The following SLC24A2 variants were observed in gnomAD, a reference collection of about 807,000 sequenced individuals.
SLC24A2 encodes the protein sodium/potassium/calcium exchanger 2.
SLC24A2 carries 36 observed loss-of-function variants against 62.0 expected under a neutral mutation model. The observed-to-expected ratio is 0.58, with a 90% CI of 0.44 to 0.77. The LOEUF (loss-of-function observed/expected upper bound fraction) is 0.77. SLC24A2 is among the 30% of genes least tolerant of loss of function. SLC24A2 has a pLI of 0.00. For synonymous variants in SLC24A2, 358 were observed against 294.0 expected, an observed-to-expected ratio of 1.22 and a Z score of -2.23; for missense variants, 846 against 817.9, an observed-to-expected ratio of 1.03 and a Z score of -0.42.
chr9:19,903,211 A>G, the SLC24A2 span, among the ~76,000 whole-genome samples: 1 of 152,164 alleles, frequency 6.6e-6, no homozygotes, highest in South Asian at 2.1e-4. Context: ...CCAGTTGTAA[A>G]GGCTGGAAGT....
the SLC24A2 span, among the ~76,000 whole-genome samples, chr9:20,070,222 TATG>T: frequency 0.014 from 2,127 of 152,236 alleles, 47 homozygotes; most frequent in African/African-American, 0.049. Flanking sequence ...CCTAACTTAC[TATG>T]ATTGTTACCC....
At chr9:20,068,940 C>A in the SLC24A2 span, among the ~76,000 whole-genome samples, 1 of 152,116 alleles carries the variant, frequency 6.6e-6, no homozygotes, top group Non-Finnish European at 1.5e-5. Context: ...ACTGATGCAT[C>A]AAACCTACAA....
the SLC24A2 span, among the ~76,000 whole-genome samples, chr9:20,206,770 C>T: frequency 3.9e-5 from 6 of 152,076 alleles, no homozygotes; most frequent in Non-Finnish European, 7.3e-5. Context: ...TGAGCCACTT[C>T]GCCTGGCCGC....
chr9:20,229,625 CG>C, the SLC24A2 span, among the ~76,000 whole-genome samples: 1,530 of 152,162 alleles, frequency 0.01, 26 homozygotes, highest in African/African-American at 0.034. Flanking sequence ...TTCCCAGTCT[CG>C]GGTCCCTTAT....
intron 7 of SLC24A2, among the ~76,000 whole-genome samples, chr9:19,572,259 C>CAAAAAAA (rs34529143): frequency 1.4e-5 from 1 of 69,784 alleles, no homozygotes; most frequent in Non-Finnish European, 2.6e-5. Flanking sequence ...GAGTCCGTCT[C>CAAAAAAA]AAAAAAAAAA....
At chr9:19,562,631 T>C (rs898269174) in intron 7 of SLC24A2, among the ~76,000 whole-genome samples, 1 of 152,256 alleles carries the variant, frequency 6.6e-6, no homozygotes, top group South Asian at 2.1e-4. Context: ...TAAAAAAATA[T>C]GTATGTACAG....
chr9:19,637,515 G>A (rs13294580), intron 2 of SLC24A2, among the ~76,000 whole-genome samples: 115,533 of 152,170 alleles, frequency 0.76, 44,011 homozygotes, highest in East Asian at 0.86. Context: ...GGAAGCAGAA[G>A]AACCCAAAAC....
At chr9:19,615,916 G>A (rs923787184) in intron 4 of SLC24A2, among the ~76,000 whole-genome samples, 1 of 151,364 alleles carries the variant, frequency 6.6e-6, no homozygotes, top group Non-Finnish European at 1.5e-5. Flanking sequence ...ACCAGAAACT[G>A]AATTCTTCCA....
At chr9:19,538,352 G>A in intron 8 of SLC24A2, among the ~76,000 whole-genome samples, 1 of 144,364 alleles carries the variant, frequency 6.9e-6, no homozygotes, top group East Asian at 2.0e-4. Flanking sequence ...GTCATAGATA[G>A]CTCTTATTAT....
chr9:19,560,203 A>C (rs542937790), intron 7 of SLC24A2, among the ~76,000 whole-genome samples: 1 of 152,276 alleles, frequency 6.6e-6, no homozygotes, highest in East Asian at 1.9e-4. Flanking sequence ...CCGTTAGACC[A>C]TATGATAGAA....
the SLC24A2 span, among the ~76,000 whole-genome samples, chr9:20,262,644 G>A: frequency 1.3e-5 from 2 of 152,164 alleles, no homozygotes; most frequent in African/African-American, 2.4e-5. Context: ...CTTATCATGA[G>A]CATTATCTCA....
At chr9:19,856,554 C>A in the SLC24A2 span, among the ~76,000 whole-genome samples, 1 of 152,052 alleles carries the variant, frequency 6.6e-6, no homozygotes, top group Non-Finnish European at 1.5e-5. Flanking sequence ...CATAGGGTTT[C>A]TGTGGTTTTC....
At chr9:20,188,594 G>C in the SLC24A2 span, among the ~76,000 whole-genome samples, 27 of 152,202 alleles carry the variant, frequency 1.8e-4, no homozygotes, top group African/African-American at 6.5e-4. Flanking sequence ...AGAATAGCCT[G>C]AAATGATCTT....
the SLC24A2 span, among the ~76,000 whole-genome samples, chr9:19,934,821 GC>G: frequency 5.9e-5 from 9 of 152,132 alleles, no homozygotes; most frequent in African/African-American, 2.2e-4. The surrounding 1 kb of genome is among the most constrained non-coding windows in gnomAD (Gnocchi z 4.1). Flanking sequence ...GGCAAGCGTG[GC>G]GAGTCCGTTT....
chr9:20,097,720 A>ATTTTTTT, the SLC24A2 span, among the ~76,000 whole-genome samples: 40 of 69,114 alleles, frequency 5.8e-4, 2 homozygotes, highest in East Asian at 8.5e-3. Flanking sequence ...ATCTTAAATA[A>ATTTTTTT]TTTTTTTTTT....
intron 2 of SLC24A2, among the ~76,000 whole-genome samples, chr9:19,762,391 T>C (rs1008053252): frequency 2.6e-5 from 4 of 152,228 alleles, no homozygotes; most frequent in African/African-American, 9.6e-5. Flanking sequence ...CCCATGCCTA[T>C]GTCCTGAATG....
intron 6 of SLC24A2, among the ~76,000 whole-genome samples, chr9:19,576,260 G>A (rs914628763): frequency 2.0e-5 from 3 of 152,176 alleles, no homozygotes; most frequent in Non-Finnish European, 4.4e-5. Context: ...TTTGAATTTA[G>A]AATAAGAGAG....
the SLC24A2 span, among the ~76,000 whole-genome samples, chr9:20,210,574 C>A: frequency 6.8e-6 from 1 of 147,486 alleles, no homozygotes; most frequent in East Asian, 2.1e-4. Context: ...CCCGGGTTCA[C>A]GCCATTCTCC....
At chr9:20,000,205 T>C in the SLC24A2 span, among the ~76,000 whole-genome samples, 1 of 152,228 alleles carries the variant, frequency 6.6e-6, no homozygotes, top group Non-Finnish European at 1.5e-5. Context: ...TGAACATTAT[T>C]ATTTCACCTT....
Sources: gnomAD v4.1 joint callset for allele counts (sites outside exome capture counted in the v4.1 genomes callset) on GRCh38, gnomAD v4.1.1 for gene constraint, Gnocchi (gnomAD v3.1) non-coding constraint, MANE v1.5 for transcripts, NCBI Gene and HGNC (gene_info 2026-07-23, HGNC 2026-07-21) for gene names.